Variants in AFF3 observed in about 807,000 individuals in gnomAD.
AFF3 encodes the protein ALF transcription elongation factor 3.
Under a neutral mutation model 129.7 loss-of-function variants are expected in AFF3, and 32 were observed. The ratio of observed to expected loss-of-function variants is 0.25; its 90% CI spans 0.19 to 0.33. The LOEUF (loss-of-function observed/expected upper bound fraction) is 0.33, where lower values mean the gene tolerates loss of function less well. Among genes scored for constraint, AFF3 ranks in the 10% least tolerant of loss-of-function variants. The pLI, the probability that AFF3 is intolerant of heterozygous loss-of-function variation, is 1.00. For synonymous variants in AFF3, 644 were observed against 635.4 expected (o/e 1.01, Z -0.20); for missense variants, 1,373 against 1,592.0 (o/e 0.86, Z 2.34).
chr2:99,913,654 G>A (rs748426342), intron 7 of AFF3, among the ~76,000 whole-genome samples: 34 of 152,126 alleles, frequency 2.2e-4, no homozygotes, highest in African/African-American at 4.3e-4. Context: ...AAGGAACCAG[G>A]GCTCTCTTGA....
chr2:99,715,484 G>A (rs1470618492), intron 11 of AFF3, among the ~76,000 whole-genome samples: 1 of 152,098 alleles, frequency 6.6e-6, no homozygotes, highest in African/African-American at 2.4e-5. Context: ...TTTTGAAGAA[G>A]GAACATTTCA....
At chr2:99,801,071 T>C (rs1298585272) in intron 8 of AFF3, among the ~76,000 whole-genome samples, 1 of 152,220 alleles carries the variant, frequency 6.6e-6, no homozygotes, top group East Asian at 1.9e-4. Flanking sequence ...ACATATGTGA[T>C]ATTTTCACCG....
intron 4 of AFF3, among the ~76,000 whole-genome samples, chr2:100,100,665 C>T (rs952688626): frequency 1.3e-5 from 2 of 152,214 alleles, no homozygotes; most frequent in African/African-American, 2.4e-5. Flanking sequence ...ACAACCTACG[C>T]CTTACTCATC....
intron 20 of AFF3, among the ~76,000 whole-genome samples, chr2:99,562,119 A>T (rs910211563): frequency 6.6e-6 from 1 of 152,164 alleles, no homozygotes; most frequent in African/African-American, 2.4e-5. Flanking sequence ...TGGAAATGTA[A>T]TCATGGTGTG....
At chr2:99,555,794 C>A (rs773926293) in intron 22 of AFF3, among the ~76,000 whole-genome samples, 2 of 152,042 alleles carry the variant, frequency 1.3e-5, no homozygotes, top group African/African-American at 2.4e-5. Flanking sequence ...GGTTTTAGTG[C>A]GGGTGTTATT....
intron 6 of AFF3, 31 bp downstream of exon 6, chr2:100,007,117 T>C: frequency 6.2e-7 from 1 of 1,606,734 alleles, no homozygotes; most frequent in Non-Finnish European, 8.5e-7. Context: ...AGCAGATTTG[T>C]GCAAATCAAG....
intron 7 of AFF3, among the ~76,000 whole-genome samples, chr2:99,898,369 G>A (rs558318367): frequency 1.2e-4 from 19 of 152,280 alleles, no homozygotes; most frequent in Admixed American, 9.1e-4. Context: ...AGGACACTGA[G>A]GCACCGAGAG....
chr2:99,777,947 CAAAAA>C (rs576434643), intron 8 of AFF3, among the ~76,000 whole-genome samples: 1 of 48,336 alleles, frequency 2.1e-5, no homozygotes, highest in African/African-American at 7.3e-5. Flanking sequence ...AAAGCAAAAG[CAAAAA>C]AAAAAAAAAA....
At chr2:100,124,765 G>A (rs1004265929) in intron 2 of AFF3, among the ~76,000 whole-genome samples, 1 of 152,120 alleles carries the variant, frequency 6.6e-6, no homozygotes, top group African/African-American at 2.4e-5. Context: ...AACAACATCA[G>A]CTGGAAACTC....
At chr2:100,057,190 G>C (rs1194099256) in intron 4 of AFF3, among the ~76,000 whole-genome samples, 1 of 151,782 alleles carries the variant, frequency 6.6e-6, no homozygotes, top group Non-Finnish European at 1.5e-5. Context: ...GCATGGTGGC[G>C]GGCGCCTGTA....
At chr2:99,616,309 T>C (rs141311728) in intron 13 of AFF3, among the ~76,000 whole-genome samples, 199 of 152,212 alleles carry the variant, frequency 1.3e-3, no homozygotes, top group African/African-American at 4.6e-3. Flanking sequence ...CCATAATCCA[T>C]ATGGCAGTAA....
At chr2:99,855,516 T>C (rs951846216) in intron 7 of AFF3, among the ~76,000 whole-genome samples, 3 of 152,124 alleles carry the variant, frequency 2.0e-5, no homozygotes, top group South Asian at 2.1e-4. Flanking sequence ...AGATAGCCAA[T>C]AGAAAGAACT....
chr2:99,677,303 G>C (rs1674066787), intron 11 of AFF3, among the ~76,000 whole-genome samples: 1 of 149,806 alleles, frequency 6.7e-6, no homozygotes. Flanking sequence ...TTTGAATTGA[G>C]AACAGACCTG....
intron 7 of AFF3, among the ~76,000 whole-genome samples, chr2:99,936,533 C>T (rs1213809787): frequency 3.9e-5 from 6 of 152,160 alleles, no homozygotes; most frequent in Admixed American, 1.3e-4. Context: ...GGAGGAAATG[C>T]CGTTTGAGGC....
chr2:100,003,124 G>GGGGGGGGGGGGGGTA (rs1681591360), intron 7 of AFF3, among the ~76,000 whole-genome samples: 2 of 150,376 alleles, frequency 1.3e-5, no homozygotes, highest in African/African-American at 5.0e-5. Context: ...GGGTGGGGGT[G>GGGGGGGGGGGGGGTA]GTACTGTGTT....
intron 13 of AFF3, among the ~76,000 whole-genome samples, chr2:99,637,704 A>G (rs1281625805): frequency 6.6e-6 from 1 of 152,234 alleles, no homozygotes; most frequent in African/African-American, 2.4e-5. Flanking sequence ...AGAAATAGAT[A>G]TTTTAAAAAA....
chr2:99,610,653 G>A (rs1680830166), intron 13 of AFF3, among the ~76,000 whole-genome samples: 1 of 152,148 alleles, frequency 6.6e-6, no homozygotes, highest in South Asian at 2.1e-4. Flanking sequence ...GAATATTTCT[G>A]TATAGGTTTT....
chr2:100,011,884 A>G (rs1284935902), intron 4 of AFF3, among the ~76,000 whole-genome samples: 6 of 152,198 alleles, frequency 3.9e-5, no homozygotes, highest in Non-Finnish European at 7.4e-5. Context: ...TCTGGGAGTT[A>G]TGAGTCATGT....
chr2:99,583,262 CT>C (rs1205867601), intron 16 of AFF3, among the ~76,000 whole-genome samples: 1 of 152,188 alleles, frequency 6.6e-6, no homozygotes, highest in African/African-American at 2.4e-5. Context: ...CTAATAACAC[CT>C]TCATTTTCCA....
Sources: gnomAD v4.1 joint callset for allele counts (sites outside exome capture counted in the v4.1 genomes callset) on GRCh38, gnomAD v4.1.1 for gene constraint, MANE v1.5 for transcripts, NCBI Gene and HGNC (gene_info 2026-07-23, HGNC 2026-07-21) for gene names.